Variants in CTNND2 observed in about 807,000 individuals in gnomAD.
CTNND2 encodes the protein catenin delta 2, also known as catenin delta-2.
Under a neutral mutation model 144.4 loss-of-function variants are expected in CTNND2, and 22 were observed. The ratio of observed to expected loss-of-function variants is 0.15; its 90% CI spans 0.11 to 0.22. The LOEUF (loss-of-function observed/expected upper bound fraction) is 0.22. Among genes scored for constraint, CTNND2 ranks in the 10% least tolerant of loss-of-function variants. The probability of loss-of-function intolerance (pLI) is 1.00; values close to 1 mark genes in which losing one functional copy is unlikely to be tolerated. For missense variants in CTNND2, 1,353 were observed against 1,618.8 expected (o/e 0.84, Z 2.82); for synonymous variants, 751 against 695.6 (o/e 1.08, Z -1.25).
rs781743390 is a variant in CTNND2, at chr5:11,022,881, C to T, written c.2887G>A (p.Val963Ile). 9.9e-6 allele frequency: 16 copies of T among 1,614,196 alleles called. No homozygotes were observed. In the South Asian group the frequency reaches 1.6e-4, roughly 17 times the overall value. ...ATCACTTCGTGCAGTGTGCAGCAGA[C>T]AGCTGTCACTGTGTCATCCGACATG... Reference protein sequence around the residue: ...KAMSDDTVTAVCCTLHEVITK... With the variant: ...KAMSDDTVTAICCTLHEVITK... The change falls in exon 17 of 22, where the codon GTC becomes ATC. Residue 963 changes from valine (V) to isoleucine (I), a missense_variant. Physicochemically the swap from Val to Ile is conservative, Grantham distance 29 (BLOSUM62 3). Coordinates refer to ENST00000304623, the MANE Select transcript of CTNND2 (RefSeq NM_001332.4).
chr5:11,609,524 T>A (rs1258597676), intron 2 of CTNND2, among the ~76,000 whole-genome samples: 1 of 152,166 alleles, frequency 6.6e-6, no homozygotes, highest in Non-Finnish European at 1.5e-5. Flanking sequence ...GACACTCTCA[T>A]GGAGAGAATG....
intron 3 of CTNND2, among the ~76,000 whole-genome samples, chr5:11,432,292 AG>A (rs113216700): frequency 0.048 from 7,171 of 149,276 alleles, 564 homozygotes; most frequent in African/African-American, 0.17. Flanking sequence ...AAAAAAAAAA[AG>A]AGACCCAAAT....
intron 10 of CTNND2, among the ~76,000 whole-genome samples, 168 bp from the exon 11 acceptor site, chr5:11,199,829 G>A (rs1737248508): frequency 6.6e-6 from 1 of 152,182 alleles, no homozygotes. Flanking sequence ...ATATTTGATT[G>A]CCGGTATTTG....
chr5:11,009,962 C>A (rs1157259982), intron 18 of CTNND2, among the ~76,000 whole-genome samples: 3 of 152,216 alleles, frequency 2.0e-5, no homozygotes, highest in African/African-American at 7.2e-5. Flanking sequence ...CAAACATCAA[C>A]AAGTAAACGT....
At chr5:11,322,714 C>T (rs185467440) in intron 9 of CTNND2, among the ~76,000 whole-genome samples, 30 of 152,096 alleles carry the variant, frequency 2.0e-4, no homozygotes, top group Non-Finnish European at 3.1e-4. Context: ...CAGTATAGAA[C>T]AAAATATATT....
intron 9 of CTNND2, among the ~76,000 whole-genome samples, chr5:11,293,569 A>G (rs1048226975): frequency 6.6e-6 from 1 of 152,020 alleles, no homozygotes; most frequent in African/African-American, 2.4e-5. Flanking sequence ...AAATTGTAGC[A>G]TCACACAGTG....
intron 7 of CTNND2, among the ~76,000 whole-genome samples, chr5:11,367,527 T>C (rs1237841297): frequency 6.6e-6 from 1 of 152,202 alleles, no homozygotes; most frequent in Non-Finnish European, 1.5e-5. Flanking sequence ...TAGTAGTAAT[T>C]TTTTTCATCA....
intron 1 of CTNND2, among the ~76,000 whole-genome samples, chr5:11,854,557 G>A (rs1694293175): frequency 6.6e-6 from 1 of 152,208 alleles, no homozygotes; most frequent in African/African-American, 2.4e-5. Flanking sequence ...CTAGAAGAGT[G>A]CCTGGCTCAA....
At chr5:11,739,876 A>G (rs1787897646) in intron 1 of CTNND2, among the ~76,000 whole-genome samples, 1 of 152,218 alleles carries the variant, frequency 6.6e-6, no homozygotes, top group African/African-American at 2.4e-5. Flanking sequence ...TGCAAAAATC[A>G]CAAGCATTCC....
intron 9 of CTNND2, among the ~76,000 whole-genome samples, chr5:11,315,046 A>G (rs1751351365): frequency 6.6e-6 from 1 of 152,242 alleles, no homozygotes; most frequent in African/African-American, 2.4e-5. Context: ...GCTATCAAAA[A>G]TAATCATTAA....
At chr5:11,333,959 G>C (rs905461326) in intron 9 of CTNND2, among the ~76,000 whole-genome samples, 7 of 152,162 alleles carry the variant, frequency 4.6e-5, no homozygotes, top group African/African-American at 1.7e-4. Flanking sequence ...GGTCATTGCG[G>C]CCATCCTACC....
At chr5:11,897,718 G>C (rs1737506670) in intron 1 of CTNND2, among the ~76,000 whole-genome samples, 1 of 152,158 alleles carries the variant, frequency 6.6e-6, no homozygotes, top group South Asian at 2.1e-4. Flanking sequence ...CAGGGCATTA[G>C]ACGCTACCTT....
At chr5:11,084,748 C>G (rs1193025677) in intron 15 of CTNND2, among the ~76,000 whole-genome samples, 1 of 152,072 alleles carries the variant, frequency 6.6e-6, no homozygotes, top group African/African-American at 2.4e-5. Flanking sequence ...TTTGAGATCT[C>G]TTCTAATTCT....
intron 2 of CTNND2, among the ~76,000 whole-genome samples, chr5:11,566,699 A>G (rs1310340717): frequency 6.6e-6 from 1 of 152,176 alleles, no homozygotes; most frequent in African/African-American, 2.4e-5. Context: ...CAGTATTTGG[A>G]GTCAGAATTC....
At chr5:11,031,982 G>A (rs1743524964) in intron 16 of CTNND2, among the ~76,000 whole-genome samples, 1 of 152,196 alleles carries the variant, frequency 6.6e-6, no homozygotes, top group South Asian at 2.1e-4. Context: ...TCTTGCAGAT[G>A]GCCTATCATG....
chr5:11,232,897 T>A (rs1231045654), intron 10 of CTNND2, among the ~76,000 whole-genome samples: 1 of 152,230 alleles, frequency 6.6e-6, no homozygotes, highest in Non-Finnish European at 1.5e-5. Flanking sequence ...AATTGGATCA[T>A]GTGGGCGGTT....
chr5:11,584,416 TA>T (rs1375035217), intron 2 of CTNND2, among the ~76,000 whole-genome samples: 2,431 of 87,136 alleles, frequency 0.028, 85 homozygotes, highest in African/African-American at 0.084. Flanking sequence ...CATATATATA[TA>T]TTTTTTTTGG....
chr5:10,980,315 C>A (rs1737069009), intron 21 of CTNND2, among the ~76,000 whole-genome samples: 1 of 152,150 alleles, frequency 6.6e-6, no homozygotes, highest in Non-Finnish European at 1.5e-5. Flanking sequence ...CATCACTGGC[C>A]ATCAGAGAAA....
chr5:11,626,679 T>A (rs1352973482), intron 2 of CTNND2, among the ~76,000 whole-genome samples: 1 of 152,212 alleles, frequency 6.6e-6, no homozygotes, highest in Non-Finnish European at 1.5e-5. Flanking sequence ...ATTAACACTC[T>A]CAGATATAGG....
Sources: allele counts gnomAD v4.1 joint callset (sites outside exome capture counted in the v4.1 genomes callset), GRCh38; gene constraint gnomAD v4.1.1; transcripts MANE v1.5; gene names NCBI Gene and HGNC (gene_info 2026-07-23, HGNC 2026-07-21).